The following CNBD1 variants were observed in gnomAD, a reference collection of about 807,000 sequenced individuals.
The protein encoded by CNBD1 is cyclic nucleotide-binding domain-containing protein 1.
In CNBD1, 71 loss-of-function variants were observed where a neutral mutation model predicts 54.4. That is an observed-to-expected ratio of 1.30 (90% confidence interval 1.08 to 1.59). The LOEUF is 1.59. Ranked by LOEUF, CNBD1 falls within the 40% of genes most tolerant of loss-of-function variation. CNBD1 has a pLI of 0.00. For missense variants in CNBD1, 659 were observed against 518.0 expected (o/e 1.27, Z -2.64); for synonymous variants, 182 against 170.7 (o/e 1.07, Z -0.51).
chr8:87,157,471 G>A (rs80129157), intron 4 of CNBD1, among the ~76,000 whole-genome samples: 19 of 152,286 alleles, frequency 1.2e-4, no homozygotes, highest in African/African-American at 2.9e-4. Flanking sequence ...AGTACCTCAC[G>A]CATTATGACT....
At chr8:87,423,430 A>G (rs1049374223) in intron 2 of CNBD1, among the ~76,000 whole-genome samples, 1 of 151,718 alleles carries the variant, frequency 6.6e-6, no homozygotes, top group African/African-American at 2.4e-5. Context: ...GATAGCTCTT[A>G]TTATTTTGAA....
At chr8:87,287,143 G>C (rs1214559886) in intron 8 of CNBD1, among the ~76,000 whole-genome samples, 1 of 152,178 alleles carries the variant, frequency 6.6e-6, no homozygotes, top group Non-Finnish European at 1.5e-5. Flanking sequence ...GTGAGGCCTA[G>C]ATAAGAGAAA....
At chr8:86,952,832 G>A (rs1266569165) in intron 4 of CNBD1, among the ~76,000 whole-genome samples, 1 of 152,108 alleles carries the variant, frequency 6.6e-6, no homozygotes, top group Non-Finnish European at 1.5e-5. Context: ...TTGCTCCCAA[G>A]AGTTTCCTTG....
At chr8:86,991,802 T>A (rs1230237415) in intron 4 of CNBD1, among the ~76,000 whole-genome samples, 1 of 152,148 alleles carries the variant, frequency 6.6e-6, no homozygotes, top group Non-Finnish European at 1.5e-5. Context: ...AATGTTCAAG[T>A]TCCATGTATT....
chr8:87,216,982 G>T (rs1218592193), intron 5 of CNBD1, among the ~76,000 whole-genome samples: 1 of 152,074 alleles, frequency 6.6e-6, no homozygotes. Flanking sequence ...GCATGGTGAT[G>T]CTAATTCTCT....
chr8:86,889,453 T>C (rs1314600684), intron 2 of CNBD1, among the ~76,000 whole-genome samples: 1 of 152,110 alleles, frequency 6.6e-6, no homozygotes, highest in Non-Finnish European at 1.5e-5. Context: ...TCTTTATGTA[T>C]TATAGATGAA....
chr8:87,234,977 A>T (rs1471911985), intron 5 of CNBD1, among the ~76,000 whole-genome samples: 1 of 152,216 alleles, frequency 6.6e-6, no homozygotes, highest in Non-Finnish European at 1.5e-5. Context: ...AACTTGATGC[A>T]ACTTCTATAT....
chr8:87,300,195 A>C (rs1435115808), intron 8 of CNBD1, among the ~76,000 whole-genome samples: 1 of 152,160 alleles, frequency 6.6e-6, no homozygotes, highest in Admixed American at 6.5e-5. Context: ...AAGTATTTTT[A>C]AATATTTTCA....
In CNBD1 at chr8:87,295,604, A is replaced by G. The variant is rs111825320; in HGVS notation, c.1042+8933A>G. Reference sequence around the variant, plus strand: ...TCATCAGTAACCCAGGCAACTACTGAAGCTCTTTATAGAGCTCTTTTCTCT... The same window carrying G: ...TCATCAGTAACCCAGGCAACTACTGGAGCTCTTTATAGAGCTCTTTTCTCT... On this transcript the variant is annotated intron_variant, in intron 8 of 10. Coordinates refer to ENST00000518476, the MANE Select transcript of CNBD1 (RefSeq NM_173538.3). Among the ~76,000 whole-genome samples, 128 of 152,188 alleles carry G rather than the reference A, an allele frequency of 8.4e-4. 1 individual carries two copies. The highest frequency in any genetic ancestry group is 3.0e-3 in the African/African-American group (126 of 41,560).
intron 6 of CNBD1, among the ~76,000 whole-genome samples, chr8:87,263,986 A>G (rs1808196151): frequency 6.6e-6 from 1 of 152,086 alleles, no homozygotes. Flanking sequence ...TTGAGTATTA[A>G]AAAGTATTTT....
At chr8:87,251,780 G>A (rs551042112) in intron 6 of CNBD1, among the ~76,000 whole-genome samples, 3 of 151,972 alleles carry the variant, frequency 2.0e-5, no homozygotes, top group African/African-American at 7.2e-5. Context: ...AGGAAGTTTA[G>A]GTAAAACATT....
intron 4 of CNBD1, among the ~76,000 whole-genome samples, chr8:86,944,872 G>A (rs1807429820): frequency 6.6e-6 from 1 of 152,110 alleles, no homozygotes; most frequent in Admixed American, 6.5e-5. Flanking sequence ...GATGACAGTG[G>A]CCCATATTCT....
chr8:87,238,014 A>G (rs1807616683), intron 6 of CNBD1, among the ~76,000 whole-genome samples: 1 of 140,596 alleles, frequency 7.1e-6, no homozygotes, highest in Admixed American at 6.9e-5. Flanking sequence ...AGTCTGCTCT[A>G]GCAAATATGC....
In CNBD1 at chr8:87,326,403, C is replaced by T. The variant is rs1461973288; in HGVS notation, c.1043-25282C>T. Among the ~76,000 whole-genome samples, 6 of 125,886 alleles carry T rather than the reference C, an allele frequency of 4.8e-5. 1 individual carries two copies. The highest frequency in any genetic ancestry group is 1.1e-4 in the Non-Finnish European group (6 of 55,556). The allele number at this position is 125,886 out of a possible 152,430, so 82.6% of individuals were successfully genotyped here. ...GGATAATATCCTGTAGAGTGTTTTC[C>T]AACTTGGTTCCATTCTCCCCATCAC... On this transcript the variant is annotated intron_variant, in intron 8 of 10. Transcript: ENST00000518476.
chr8:86,877,034 A>C (rs1274690794), intron 1 of CNBD1, among the ~76,000 whole-genome samples: 1 of 152,118 alleles, frequency 6.6e-6, no homozygotes, highest in East Asian at 1.9e-4. Context: ...ATGCATATTT[A>C]TAACCTAGTA....
intron 6 of CNBD1, among the ~76,000 whole-genome samples, chr8:87,257,463 A>G (rs1298253190): frequency 6.6e-6 from 1 of 151,442 alleles, no homozygotes; most frequent in African/African-American, 2.4e-5. Flanking sequence ...TGAAGCTTTG[A>G]TTGTCTTCCT....
At chr8:87,066,637 C>T (rs1440134405) in intron 4 of CNBD1, among the ~76,000 whole-genome samples, 1 of 151,784 alleles carries the variant, frequency 6.6e-6, no homozygotes, top group Admixed American at 6.6e-5. Flanking sequence ...ATTCAGTGTG[C>T]ATCTTTATAC....
At chr8:87,374,937 C>A (rs555727722) in intron 10 of CNBD1, among the ~76,000 whole-genome samples, 4 of 151,986 alleles carry the variant, frequency 2.6e-5, no homozygotes, top group Admixed American at 2.6e-4. Context: ...CTGAGTCATA[C>A]AACTGGCAAA....
In CNBD1 at chr8:87,377,159, A is replaced by G. The variant is rs569006736; in HGVS notation, c.1304-5461A>G. Among the ~76,000 whole-genome samples, 565 of 141,580 alleles carry G rather than the reference A, an allele frequency of 4.0e-3. 8 individuals carry two copies. Among genetic ancestry groups the G allele is most frequent in the African/African-American group, 0.015 (531 of 35,936 alleles). 92.9% of individuals were successfully genotyped at this position (141,580 alleles called of 152,430 possible). A position where few individuals can be genotyped will look rare whatever the true frequency, so the allele number is the denominator to read the frequency against. Reference sequence around the variant, plus strand: ...TTATTTTTTTATGATTATTATTTATATTATTATTATACTTTAAGTTTTACG... The same window carrying G: ...TTATTTTTTTATGATTATTATTTATGTTATTATTATACTTTAAGTTTTACG... On this transcript the variant is annotated intron_variant, in intron 10 of 10. Transcript: ENST00000518476.
Sources: allele counts gnomAD v4.1 joint callset (sites outside exome capture counted in the v4.1 genomes callset), GRCh38; gene constraint gnomAD v4.1.1; transcripts MANE v1.5; gene names NCBI Gene and HGNC (gene_info 2026-07-23, HGNC 2026-07-21).